The following NMT2 variants were observed in gnomAD, a reference collection of about 807,000 sequenced individuals.
NMT2 encodes the protein glycylpeptide N-tetradecanoyltransferase 2.
Under a neutral mutation model 65.4 loss-of-function variants are expected in NMT2, and 35 were observed. That is an observed-to-expected ratio of 0.54 (90% confidence interval 0.41 to 0.71). The LOEUF (loss-of-function observed/expected upper bound fraction) is 0.71, where lower values mean the gene tolerates loss of function less well. Ranked by LOEUF, NMT2 falls within the 30% of genes least tolerant of loss-of-function variation. NMT2 has a pLI of 0.00. For synonymous variants in NMT2, 226 were observed against 231.8 expected (o/e 0.98, Z 0.23); for missense variants, 489 against 611.3 (o/e 0.80, Z 2.11).
At chr10:15,120,480 C>A (rs1453118249) in intron 8 of NMT2, among the ~76,000 whole-genome samples, 1 of 152,042 alleles carries the variant, frequency 6.6e-6, no homozygotes, top group African/African-American at 2.4e-5. Context: ...ATAAAGTATA[C>A]AGGAGGATGT....
intron 8 of NMT2, among the ~76,000 whole-genome samples, chr10:15,124,464 G>A (rs575538568): frequency 2.0e-5 from 3 of 152,250 alleles, no homozygotes; most frequent in South Asian, 2.1e-4. Context: ...ATGAGACTAC[G>A]GCTGTTAAAT....
intron 5 of NMT2, 60 bp from the exon 6 acceptor site, chr10:15,132,993 A>G: frequency 6.3e-7 from 1 of 1,593,552 alleles, no homozygotes. Context: ...ACAGGAACAG[A>G]CGCAGGAGTC....
chr10:15,155,634 T>C (rs7086892), intron 1 of NMT2, among the ~76,000 whole-genome samples: 22,174 of 147,812 alleles, frequency 0.15, 4,829 homozygotes, highest in African/African-American at 0.48. Context: ...CCTCCCACCT[T>C]GGCCTCCCAA....
chr10:15,144,254 C>T (rs1000373473), intron 1 of NMT2, among the ~76,000 whole-genome samples: 2 of 152,110 alleles, frequency 1.3e-5, no homozygotes, highest in South Asian at 2.1e-4. Flanking sequence ...AGTTGGTCAT[C>T]CCAGCCTCCA....
In NMT2 at chr10:15,123,929, C is replaced by T. The variant is rs992538759; in HGVS notation, c.1000-4416G>A. 4.6e-5 allele frequency among the ~76,000 whole-genome samples: 7 copies of T among 152,012 alleles called. No homozygotes were observed. The East Asian group carries it at 5.8e-4, about 13-fold the overall frequency. On this transcript the variant is annotated intron_variant, in intron 8 of 11. Transcript: ENST00000378165. ...TTATCTGTCAAGTTGTGGTACAAAC[C>T]GTTTGAGAGCCAAGATTCCAGAGAA... is the stretch of plus-strand genomic sequence containing the variant.
chr10:15,144,774 C>T lies in NMT2; in HGVS notation c.111-3217G>A, dbSNP rs536248718. 5.3e-5 allele frequency among the ~76,000 whole-genome samples: 8 copies of T among 151,936 alleles called. No individual in the cohort carries two copies. The South Asian group carries it at 1.0e-3, about 20-fold the overall frequency. On this transcript the variant is annotated intron_variant, in intron 1 of 11. Transcript: ENST00000378165. ...GCCAGTGCTGGGGAGGATGGAGAGA[C>T]GCTGGAACCCTCATACACTGTTGAT...
At chr10:15,123,124 A>T (rs1433154761) in intron 8 of NMT2, among the ~76,000 whole-genome samples, 2 of 152,228 alleles carry the variant, frequency 1.3e-5, no homozygotes, top group African/African-American at 2.4e-5. Context: ...AGCATTTTGA[A>T]CAAATTTTTA....
Position 15,141,524 on chromosome 10 carries a change from T to C in NMT2, c.144A>G (p.Lys48=). ...CCTTTTTTCTCTTCTGTTTCTTCTTTTTCTTTTTGGCTCCCAAATACCCTC... is the reference window on the plus strand; with the variant it reads ...CCTTTTTTCTCTTCTGTTTCTTCTTCTTCTTTTTGGCTCCCAAATACCCTC... ...SPGGYLGAKK[K]KKKQKRKKEK... is the part of the protein sequence containing the mutation. The change falls in exon 2 of 12, where the codon AAA becomes AAG. Residue 48 remains lysine (K), a synonymous_variant. Transcript: ENST00000378165. The C allele has an allele frequency of 1.9e-6, 3 of 1,614,114 alleles. No homozygotes were observed. In the South Asian group the frequency reaches 3.3e-5, roughly 18 times the overall value.
intron 1 of NMT2, among the ~76,000 whole-genome samples, chr10:15,158,555 T>C (rs375249831): frequency 2.0e-4 from 30 of 152,286 alleles, no homozygotes; most frequent in African/African-American, 6.0e-4. Context: ...TCTGCAAATC[T>C]TTAGTAAGTT....
intron 8 of NMT2, among the ~76,000 whole-genome samples, chr10:15,122,588 T>C (rs1464540294): frequency 6.6e-6 from 1 of 152,048 alleles, no homozygotes; most frequent in East Asian, 1.9e-4. Flanking sequence ...CCCAGCTAAT[T>C]TTTTGTATTT....
intron 9 of NMT2, among the ~76,000 whole-genome samples, chr10:15,118,869 G>C (rs1020856039): frequency 2.6e-5 from 4 of 152,210 alleles, no homozygotes; most frequent in Non-Finnish European, 5.9e-5. Context: ...TCCAACCACA[G>C]ACTCAGCAGC....
At chr10:15,109,681 G>T in intron 11 of NMT2, 21 bp downstream of exon 11, 2 of 1,590,666 alleles carry the variant, frequency 1.3e-6, no homozygotes, top group Non-Finnish European at 1.7e-6. Flanking sequence ...AGTTTACAAG[G>T]GCTATATCCA....
At position 15,106,572 on chromosome 10, in the gene NMT2, T is replaced by TG; in HGVS notation, c.*2622dup. The TG allele has an allele frequency of 1.2e-6, 1 of 852,054 alleles. No individual in the cohort carries two copies. 52.8% of individuals were successfully genotyped at this position (852,054 alleles called of 1,614,324 possible). ...AGAGGTCCTATATTATGTACTACTG[T>TG]GGGGCCCAGTCGCCCTCTGGTGGTA... On this transcript the variant is annotated 3_prime_UTR_variant, in exon 12 of 12. Transcript: ENST00000378165.
chr10:15,162,926 G>GAT (rs1277341559), intron 1 of NMT2, among the ~76,000 whole-genome samples: 1 of 149,822 alleles, frequency 6.7e-6, no homozygotes, highest in African/African-American at 2.4e-5. Flanking sequence ...ATATAAGAGA[G>GAT]AGATATATAT....
chr10:15,139,272 C>G (rs1299957275), intron 2 of NMT2, among the ~76,000 whole-genome samples: 1 of 151,212 alleles, frequency 6.6e-6, no homozygotes, highest in East Asian at 1.9e-4. Context: ...ATCTATCTAT[C>G]TATCTATCTA....
At chr10:15,145,024 G>A (rs1846914048) in intron 1 of NMT2, among the ~76,000 whole-genome samples, 1 of 152,134 alleles carries the variant, frequency 6.6e-6, no homozygotes, top group Non-Finnish European at 1.5e-5. Context: ...TATGAATGAA[G>A]ACAGGAAATG....
Position 15,127,164 on chromosome 10 carries a change from G to A in NMT2, c.999+1186C>T, listed in dbSNP as rs143410678. On this transcript the variant is annotated intron_variant, in intron 8 of 11. Transcript: ENST00000378165. ...GCAGGAGAACTGTTTGAACCCGGGA[G>A]GCGGAGGTTGCAGTGAGCCAACATC... Among the ~76,000 whole-genome samples the A allele has an allele frequency of 7.4e-3, 1,121 of 152,146 alleles. 12 individuals carry two copies. The highest frequency in any genetic ancestry group is 0.026 in the African/African-American group (1,062 of 41,472).
intron 2 of NMT2, chr10:15,141,134 C>T: frequency 9.3e-6 from 10 of 1,074,972 alleles, no homozygotes; most frequent in South Asian, 5.6e-5. Context: ...ACCTAACAAG[C>T]TCACACTGAG....
chr10:15,127,262 T>G (rs1377547353), intron 8 of NMT2, among the ~76,000 whole-genome samples: 1 of 111,464 alleles, frequency 9.0e-6, no homozygotes. Flanking sequence ...AAAAAATAAC[T>G]TTTCGCCAGG....
Sources: gnomAD v4.1 joint callset for allele counts (sites outside exome capture counted in the v4.1 genomes callset) on GRCh38, gnomAD v4.1.1 for gene constraint, MANE v1.5 for transcripts, NCBI Gene and HGNC (gene_info 2026-07-23, HGNC 2026-07-21) for gene names.